Variants in DPYSL5 observed in about 807,000 individuals in gnomAD.
The protein encoded by DPYSL5 is dihydropyrimidinase like 5.
A neutral mutation model predicts 58.4 loss-of-function variants in DPYSL5; 9 were observed. The ratio of observed to expected loss-of-function variants is 0.15; its 90% CI spans 0.09 to 0.27. DPYSL5 has a LOEUF of 0.27. Ranked by LOEUF, DPYSL5 falls within the 10% of genes least tolerant of loss-of-function variation. The pLI, the probability that DPYSL5 is intolerant of heterozygous loss-of-function variation, is 1.00. For synonymous variants in DPYSL5, 293 were observed against 301.9 expected (o/e 0.97, Z 0.31); for missense variants, 499 against 770.6 (o/e 0.65, Z 4.17).
rs1409084220 is a variant in DPYSL5 at position 26,927,845 on chromosome 2, G to T, written c.601-410G>T. ...GAGATCTATTCATGGCACCAGGAAGGATAAGCCTCTGGTGCATTCTCCTAG... is the reference window on the plus strand; with the variant it reads ...GAGATCTATTCATGGCACCAGGAAGTATAAGCCTCTGGTGCATTCTCCTAG... On this transcript the variant is annotated intron_variant, in intron 4 of 12. Coordinates refer to ENST00000288699, the MANE Select transcript of DPYSL5 (RefSeq NM_020134.4). The surrounding 1 kb of genome is among the most constrained non-coding windows in gnomAD (Gnocchi z 4.3). Among the ~76,000 whole-genome samples, 1 of 152,210 alleles carries T rather than the reference G, an allele frequency of 6.6e-6. No homozygotes were observed. The highest frequency in any genetic ancestry group is 2.4e-5 in the African/African-American group (1 of 41,446).
chr2:26,855,525 C>T (rs1298886679), intron 1 of DPYSL5, among the ~76,000 whole-genome samples: 2 of 152,158 alleles, frequency 1.3e-5, no homozygotes, highest in Admixed American at 6.5e-5. Flanking sequence ...GAATTGTGCA[C>T]GTGTCACTCC....
intron 2 of DPYSL5, among the ~76,000 whole-genome samples, chr2:26,900,525 T>C: frequency 6.6e-6 from 1 of 152,228 alleles, no homozygotes; most frequent in East Asian, 1.9e-4. Context: ...ATTACAAACA[T>C]TGTCACTATG....
intron 1 of DPYSL5, among the ~76,000 whole-genome samples, chr2:26,888,255 T>TTCTTTCTG (rs1553316480): frequency 0.04 from 4,307 of 107,824 alleles, 133 homozygotes; most frequent in African/African-American, 0.081. Flanking sequence ...CTTTCTTTCT[T>TTCTTTCTG]TCTTTCTTTC....
chr2:26,861,669 A>G (rs944175130), intron 1 of DPYSL5, among the ~76,000 whole-genome samples: 15 of 151,928 alleles, frequency 9.9e-5, no homozygotes, highest in Non-Finnish European at 2.1e-4. Flanking sequence ...CATTCATTTC[A>G]TTTTGCCTTG....
At chr2:26,885,673 G>A (rs1353457858) in intron 1 of DPYSL5, among the ~76,000 whole-genome samples, 1 of 152,188 alleles carries the variant, frequency 6.6e-6, no homozygotes, top group Admixed American at 6.5e-5. Flanking sequence ...ACATTAGACA[G>A]AGACTCTCTC....
Position 26,934,962 on chromosome 2 carries a change from A to G in DPYSL5, c.947+228A>G, listed in dbSNP as rs1433744488. Among the ~76,000 whole-genome samples, 1 of 152,222 alleles carries G rather than the reference A, an allele frequency of 6.6e-6. No homozygotes were observed. The highest frequency in any genetic ancestry group is 2.4e-5 in the African/African-American group (1 of 41,456). On this transcript the variant is annotated intron_variant, in intron 8 of 12. Coordinates refer to ENST00000288699, the MANE Select transcript of DPYSL5 (RefSeq NM_020134.4). The surrounding 1 kb of genome is among the most constrained non-coding windows in gnomAD (Gnocchi z 4.3). ...AAGTATAAGAGTGAAGAGCACATAT[A>G]GAACTGTGAACCGTGGTTATTCGGA...
Position 26,928,023 on chromosome 2 carries a change from G to A in DPYSL5, c.601-232G>A, listed in dbSNP as rs3769134. Among the ~76,000 whole-genome samples the A allele has an allele frequency of 0.38, 58,284 of 152,074 alleles. 11,632 individuals carry two copies. Among genetic ancestry groups the A allele is most frequent in the Admixed American group, 0.54 (8,191 of 15,290 alleles). ...TTATAATACTTAACTGTATTTTTAA[G>A]AGAACAAGATATGTTCAGTCATTAT... On this transcript the variant is annotated intron_variant, in intron 4 of 12. Transcript: ENST00000288699.
intron 1 of DPYSL5, among the ~76,000 whole-genome samples, chr2:26,890,856 TC>T (rs1191763320): frequency 6.6e-6 from 1 of 152,144 alleles, no homozygotes; most frequent in Non-Finnish European, 1.5e-5. Context: ...TTTCTTCTGT[TC>T]CTGTGCCTGA....
chr2:26,871,438 C>CATT (rs1010877745), intron 1 of DPYSL5, among the ~76,000 whole-genome samples: 28 of 151,854 alleles, frequency 1.8e-4, no homozygotes, highest in African/African-American at 5.3e-4. Flanking sequence ...AGAAAGATTA[C>CATT]ATTATTATTA....
intron 2 of DPYSL5, among the ~76,000 whole-genome samples, chr2:26,912,260 G>A (rs2148147836): frequency 6.6e-6 from 1 of 152,348 alleles, no homozygotes; most frequent in Non-Finnish European, 1.5e-5. Flanking sequence ...GGGCAGGGCA[G>A]GCCTGTCTGC....
chr2:26,944,829 G>C lies in DPYSL5; in HGVS notation c.1609+5G>C. 1 of 1,613,688 alleles carries C rather than the reference G, an allele frequency of 6.2e-7. No individual in the cohort carries two copies. Among genetic ancestry groups the C allele is most frequent in the Non-Finnish European group, 8.5e-7 (1 of 1,179,808 alleles). On this transcript the variant is annotated splice_donor_5th_base_variant and intron_variant, in intron 12 of 12. Transcript: ENST00000288699. The surrounding 1 kb of genome is among the most constrained non-coding windows in gnomAD (Gnocchi z 4.4). ...AATCCAGCTTCAGCCTCTCTGGTAA[G>C]AGTCAGGGGGCCACGGGAGGAGGAT...
intron 2 of DPYSL5, among the ~76,000 whole-genome samples, chr2:26,918,895 T>C (rs748758011): frequency 1.3e-5 from 2 of 152,184 alleles, no homozygotes; most frequent in African/African-American, 2.4e-5. Context: ...GCCTTCTCAA[T>C]AGCAGAGCGC....
At chr2:26,929,109 TTA>T (rs1326671710) in intron 5 of DPYSL5, among the ~76,000 whole-genome samples, 1 of 152,084 alleles carries the variant, frequency 6.6e-6, no homozygotes, top group East Asian at 1.9e-4. Flanking sequence ...AGTGGTGGCC[TTA>T]GATTCTCATA....
chr2:26,898,880 G>C lies in DPYSL5; in HGVS notation c.261+120G>C. The C allele has an allele frequency of 8.2e-7, 1 of 1,221,112 alleles. No homozygotes were observed. 75.6% of individuals were successfully genotyped at this position (1,221,112 alleles called of 1,614,324 possible). On this transcript the variant is annotated intron_variant, in intron 2 of 12. Transcript: ENST00000288699. This position sits in a 1 kb window ranked among gnomAD's most constrained non-coding sequence, Gnocchi z 6.1. The stretch of plus-strand genomic sequence containing the variant: ...CCCAGTGTATTGCTGGCAGGAGAAG[G>C]GTGTGTCAGGGCCACTGTGGCAACT...
intron 2 of DPYSL5, among the ~76,000 whole-genome samples, chr2:26,922,802 C>A (rs563205824): frequency 6.6e-6 from 1 of 152,354 alleles, no homozygotes; most frequent in South Asian, 2.1e-4. Flanking sequence ...AAATAGAAGC[C>A]TGCTAGTAAA....
chr2:26,886,358 G>A (rs1037759271), intron 1 of DPYSL5, among the ~76,000 whole-genome samples: 1 of 152,248 alleles, frequency 6.6e-6, no homozygotes, highest in South Asian at 2.1e-4. Context: ...TGAGTTCACA[G>A]GTCTCTGTGT....
intron 2 of DPYSL5, among the ~76,000 whole-genome samples, chr2:26,922,256 T>G (rs1385879583): frequency 6.6e-6 from 1 of 152,174 alleles, no homozygotes; most frequent in Non-Finnish European, 1.5e-5. Flanking sequence ...TGGACAGAGC[T>G]TAGGTCTGCA....
chr2:26,931,714 A>G, intron 6 of DPYSL5, 30 bp downstream of exon 6: 1 of 1,613,212 alleles, frequency 6.2e-7, no homozygotes, highest in East Asian at 2.2e-5. Context: ...CTGTGGGATT[A>G]GAAACCAACC....
chr2:26,913,873 C>T (rs1207274576), intron 2 of DPYSL5, among the ~76,000 whole-genome samples: 1 of 150,684 alleles, frequency 6.6e-6, no homozygotes, highest in Admixed American at 6.6e-5. Flanking sequence ...AAATGTGCTT[C>T]GTGTCTCACC....
Sources: gnomAD v4.1 joint callset for allele counts (sites outside exome capture counted in the v4.1 genomes callset) on GRCh38, gnomAD v4.1.1 for gene constraint, Gnocchi (gnomAD v3.1) non-coding constraint, MANE v1.5 for transcripts, NCBI Gene and HGNC (gene_info 2026-07-23, HGNC 2026-07-21) for gene names.